The following DDHD2 variants were observed in gnomAD, a reference collection of about 807,000 sequenced individuals.
The protein encoded by DDHD2 is DDHD domain containing 2, also known as triacylglycerol hydrolase DDHD2.
Under a neutral mutation model 91.2 loss-of-function variants are expected in DDHD2, and 62 were observed. The ratio of observed to expected loss-of-function variants is 0.68; its 90% confidence interval spans 0.55 to 0.84. DDHD2 has a LOEUF of 0.84. DDHD2 is among the 40% of genes least tolerant of loss of function. The pLI is 0.00. For synonymous variants in DDHD2, 271 were observed against 293.9 expected (o/e 0.92, Z 0.80); for missense variants, 740 against 846.9 (o/e 0.87, Z 1.57).
intron 5 of DDHD2, among the ~76,000 whole-genome samples, chr8:38,240,054 G>A (rs938012747): frequency 6.6e-6 from 1 of 151,754 alleles, no homozygotes; most frequent in African/African-American, 2.4e-5. Context: ...AGAAAAAAAA[G>A]AAAAAAGTCC....
Position 38,247,800 on chromosome 8 carries a change from A to G in DDHD2, c.1213A>G (p.Ile405Val). Reference protein sequence around the residue: ...KKLQLSEFFDIFEKEKVDKEA... With the variant: ...KKLQLSEFFDVFEKEKVDKEA... ...ACTTCAGCTCTCTGAATTCTTTGAT[A>G]TCTTTGAGAAGGAGAAAGTAGATAA... Residue 405 changes from isoleucine (I) to valine (V), a missense_variant, in exon 10 of 18, where the codon ATC becomes GTC. Physicochemically the swap from Ile to Val is conservative, Grantham distance 29. This residue lies in a region of DDHD2 where 693 missense variants were observed against 764.2 expected (regional missense o/e 0.91). Transcript: ENST00000397166. The G allele has an allele frequency of 1.3e-6, 2 of 1,583,482 alleles. No individual in the cohort carries two copies. The highest frequency in any genetic ancestry group is 1.7e-6 in the Non-Finnish European group (2 of 1,167,234).
chr8:38,267,713 C>G (rs1400756766), downstream of DDHD2: 5 of 678,352 alleles, frequency 7.4e-6, no homozygotes, highest in Non-Finnish European at 1.2e-5. Flanking sequence ...CAGAAAAGAG[C>G]CCAGGTGTCA....
chr8:38,237,422 T>G, intron 3 of DDHD2, 116 bp from the exon 4 acceptor site: 1 of 557,912 alleles, frequency 1.8e-6, no homozygotes, highest in Non-Finnish European at 3.2e-6. Context: ...ATAAATTTGA[T>G]AAATTGGAGT....
chr8:38,237,040 C>T (rs1804830806), intron 3 of DDHD2, among the ~76,000 whole-genome samples: 1 of 152,026 alleles, frequency 6.6e-6, no homozygotes. Flanking sequence ...GAGTATTTTT[C>T]CCCCTTTGTC....
intron 10 of DDHD2, 46 bp downstream of exon 10, chr8:38,247,881 TTTTG>T (rs1805769952): frequency 1.4e-6 from 2 of 1,480,076 alleles, no homozygotes; most frequent in Non-Finnish European, 1.8e-6. Flanking sequence ...TTTTCAGTAT[TTTTG>T]TTTATCGTGT....
At chr8:38,253,757 C>T (rs1208454780) in intron 16 of DDHD2, 39 bp downstream of exon 16, 1 of 1,592,030 alleles carries the variant, frequency 6.3e-7, no homozygotes, top group Admixed American at 1.7e-5. Flanking sequence ...GTTTGTTTAC[C>T]TGTTTCATAG....
chr8:38,255,652 G>C (rs1806458422), intron 16 of DDHD2, among the ~76,000 whole-genome samples: 1 of 151,358 alleles, frequency 6.6e-6, no homozygotes, highest in Non-Finnish European at 1.5e-5. Flanking sequence ...TTTTCTACTA[G>C]TATATCTTGG....
chr8:38,234,484 A>T lies in DDHD2; in HGVS notation c.311A>T (p.Asp104Val). The change falls in exon 3 of 18, where the codon GAT becomes GTT. Residue 104 changes from aspartate to valine, a missense_variant. Physicochemically the swap from Asp to Val is radical, Grantham distance 152. This residue lies in a region of DDHD2 where 693 missense variants were observed against 764.2 expected (regional missense o/e 0.91). Coordinates refer to ENST00000397166, the MANE Select transcript of DDHD2 (RefSeq NM_015214.3). ...GERMRYAVYW[D>V]ELASEVRRCT... is the part of the protein sequence containing the mutation. ...AGGATGCGGTATGCTGTATACTGGG[A>T]TGAACTGGCATCGGAAGTGAGACGA... 1 of 1,613,498 alleles carries T rather than the reference A, an allele frequency of 6.2e-7. No individual in the cohort carries two copies. The highest frequency in any genetic ancestry group is 8.5e-7 in the Non-Finnish European group (1 of 1,179,910).
At chr8:38,254,759 A>G (rs1458468868) in intron 16 of DDHD2, among the ~76,000 whole-genome samples, 1 of 151,966 alleles carries the variant, frequency 6.6e-6, no homozygotes, top group Non-Finnish European at 1.5e-5. Context: ...ATGGTGGCTC[A>G]TGCTTATAAT....
At chr8:38,240,388 G>A in intron 6 of DDHD2, 24 bp downstream of exon 6, 4 of 1,523,398 alleles carry the variant, frequency 2.6e-6, no homozygotes, top group Non-Finnish European at 3.6e-6. Flanking sequence ...GCATGTGAGA[G>A]AATATTAATC....
At chr8:38,273,193 T>A (rs1808527834), downstream of DDHD2, 1 of 152,250 alleles carries the variant, frequency 6.6e-6, no homozygotes, top group Non-Finnish European at 1.5e-5. Flanking sequence ...AGACAGGGTT[T>A]CACCATGTTG....
downstream of DDHD2, chr8:38,264,915 C>G (rs374142599): frequency 1.1e-5 from 18 of 1,612,574 alleles, no homozygotes; most frequent in African/African-American, 4.0e-5. Context: ...CCACTTATTG[C>G]TATTCATCTG....
At position 38,245,806 on chromosome 8, in the gene DDHD2, CT is replaced by C; in HGVS notation, c.914del (p.Leu305ArgfsTer23). On this transcript the variant is annotated frameshift_variant, in exon 8 of 18. Coordinates refer to ENST00000397166, the MANE Select transcript of DDHD2 (RefSeq NM_015214.3). LOFTEE classifies it high-confidence loss of function. ...CAGGCACTTCACCAATGACACAATT[CT>C]GGATGTCTTCTTCTACAATAGTCCC... ...RLRHFTNDTI[L>X]DVFFYNSPTY... 2.5e-6 allele frequency: 4 copies of C among 1,614,188 alleles called. No homozygotes were observed. The highest frequency in any genetic ancestry group is 3.4e-6 in the Non-Finnish European group (4 of 1,180,030).
At position 38,234,511 on chromosome 8, in the gene DDHD2, G is replaced by A; in HGVS notation, c.338G>A (p.Cys113Tyr). 1 of 1,613,400 alleles carries A rather than the reference G, an allele frequency of 6.2e-7. No homozygotes were observed. The highest frequency in any genetic ancestry group is 8.5e-7 in the Non-Finnish European group (1 of 1,179,932). ...GAACTGGCATCGGAAGTGAGACGAT[G>A]TACGTGGTTTTACAAGGGGGACAAA... Reference protein sequence around the residue: ...WDELASEVRRCTWFYKGDKDN... With the variant: ...WDELASEVRRYTWFYKGDKDN... The change falls in exon 3 of 18, where the codon TGT (cysteine) becomes TAT (tyrosine). Residue 113 changes from cysteine to tyrosine, a missense_variant. Transcript: ENST00000397166.
At chr8:38,268,565 T>A in intron 1 of DDHD2, 1 of 1,499,312 alleles carries the variant, frequency 6.7e-7, no homozygotes, top group Non-Finnish European at 8.9e-7. Flanking sequence ...GGAGCTAACA[T>A]AAGGTCTCTG....
Position 38,252,948 on chromosome 8 carries a change from A to G in DDHD2, c.1721-9A>G. ...AAATCATTTAATGTTCTTTATTTAT[A>G]TGTTTCAGAACTGAGAGAGGGCTTG... On this transcript the variant is annotated splice_polypyrimidine_tract_variant and intron_variant, in intron 14 of 17. Transcript: ENST00000397166. The G allele has an allele frequency of 1.2e-6, 2 of 1,613,388 alleles. No individual in the cohort carries two copies. The highest frequency in any genetic ancestry group is 1.3e-5 in the African/African-American group (1 of 74,980).
downstream of DDHD2, chr8:38,266,433 C>T (rs996800918): frequency 7.1e-6 from 7 of 984,530 alleles, no homozygotes; most frequent in African/African-American, 1.2e-4. Flanking sequence ...GACAGTCTTG[C>T]TCTGTCGCCC....
At chr8:38,259,361 C>T (rs1161396323) in intron 16 of DDHD2, among the ~76,000 whole-genome samples, 1 of 151,464 alleles carries the variant, frequency 6.6e-6, no homozygotes, top group Admixed American at 6.6e-5. Context: ...GCTGGGACTA[C>T]AGTCGCATGC....
downstream of DDHD2, chr8:38,264,521 A>G (rs1280012964): frequency 3.4e-5 from 53 of 1,563,476 alleles, no homozygotes; most frequent in Non-Finnish European, 4.3e-5. Context: ...GGTTTATGGC[A>G]TTCTGCATCA....
Sources: allele counts gnomAD v4.1 joint callset (sites outside exome capture counted in the v4.1 genomes callset), GRCh38; gene constraint gnomAD v4.1.1; regional missense constraint gnomAD v4.1.1; transcripts MANE v1.5; gene names NCBI Gene and HGNC (gene_info 2026-07-23, HGNC 2026-07-21).